Variants in SDK1 observed in about 807,000 individuals in gnomAD.
SDK1 encodes the protein sidekick cell adhesion molecule 1.
A neutral mutation model predicts 245.5 loss-of-function variants in SDK1; 157 were observed. The observed-to-expected ratio is 0.64, with a 90% CI of 0.56 to 0.73. The LOEUF (loss-of-function observed/expected upper bound fraction) is 0.73. Ranked by LOEUF, SDK1 falls within the 30% of genes least tolerant of loss-of-function variation. The pLI, the probability that SDK1 is intolerant of heterozygous loss-of-function variation, is 0.00. For synonymous variants in SDK1, 1,647 were observed against 1,278.5 expected (o/e 1.29, Z -6.15); for missense variants, 3,583 against 3,002.3 (o/e 1.19, Z -4.52).
chr7:3,952,256 G>C (rs930730963), intron 7 of SDK1: 1 of 325,934 alleles, frequency 3.1e-6, no homozygotes, highest in African/African-American at 2.3e-5. Flanking sequence ...ACTCTTATTT[G>C]GCTATCGTGA....
chr7:3,916,111 C>T (rs575547334), intron 5 of SDK1, among the ~76,000 whole-genome samples: 1 of 151,954 alleles, frequency 6.6e-6, no homozygotes, highest in Non-Finnish European at 1.5e-5. Context: ...TTTGGAACTT[C>T]AGTATTTAGA....
intron 1 of SDK1, among the ~76,000 whole-genome samples, chr7:3,526,895 T>C (rs943304014): frequency 4.6e-5 from 7 of 152,204 alleles, no homozygotes; most frequent in African/African-American, 1.7e-4. Flanking sequence ...TTTGGGCAGC[T>C]GAGAAAGGCT....
At chr7:4,142,754 T>A (rs980859455) in intron 28 of SDK1, among the ~76,000 whole-genome samples, 1 of 152,242 alleles carries the variant, frequency 6.6e-6, no homozygotes, top group African/African-American at 2.4e-5. Flanking sequence ...TGAGCCACTG[T>A]GCCTGGCTGC....
At chr7:4,075,286 C>T (rs1780591272) in intron 20 of SDK1, among the ~76,000 whole-genome samples, 1 of 152,196 alleles carries the variant, frequency 6.6e-6, no homozygotes, top group Non-Finnish European at 1.5e-5. Flanking sequence ...AGCTGCCAGG[C>T]TGTACGGGGC....
intron 1 of SDK1, among the ~76,000 whole-genome samples, chr7:3,419,675 C>G (rs988666093): frequency 2.0e-5 from 3 of 152,164 alleles, no homozygotes; most frequent in Non-Finnish European, 2.9e-5. Flanking sequence ...GTTTCTAGTT[C>G]TGACAACTGA....
chr7:4,089,102 TCTCAGGCGGAGGTGAGACCCTCC>T lies in SDK1; in HGVS notation c.3324+9542_3324+9564del, dbSNP rs1449781088. Among the ~76,000 whole-genome samples, 187 of 135,586 alleles carry T rather than the reference TCTCAGGCGGAGGTGAGACCCTCC, an allele frequency of 1.4e-3. 2 individuals are homozygous for T. Among genetic ancestry groups the T allele is most frequent in the Admixed American group, 1.5e-3 (21 of 14,252 alleles). 88.9% of individuals were successfully genotyped at this position (135,586 alleles called of 152,430 possible). Reference sequence around the variant, plus strand: ...TCCCTCAGGCGGAGGTAAGACCCTCTCTCAGGCGGAGGTGAGACCCTCCCTCAGGCGGAGGTGAGACCCTCCTT... The same window carrying T: ...TCCCTCAGGCGGAGGTAAGACCCTCTCTCAGGCGGAGGTGAGACCCTCCTT... On this transcript the variant is annotated intron_variant, in intron 22 of 44. Transcript: ENST00000404826.
chr7:4,099,884 G>A (rs943448401), intron 22 of SDK1, among the ~76,000 whole-genome samples: 6 of 151,618 alleles, frequency 4.0e-5, no homozygotes, highest in South Asian at 2.1e-4. Flanking sequence ...CACCGAGCTC[G>A]CTGGCATGTG....
In SDK1 at chr7:3,961,990, AACAC is replaced by A. The variant is rs139449814; in HGVS notation, c.1235-659_1235-656del. ...ATAAACACATGCACATATATGCACAAACACACACACATACACACATGTAAACACG... is the reference window on the plus strand; with the variant it reads ...ATAAACACATGCACATATATGCACAAACACACATACACACATGTAAACACG... On this transcript the variant is annotated intron_variant, in intron 8 of 44. Transcript: ENST00000404826. 1.8e-3 allele frequency among the ~76,000 whole-genome samples: 273 copies of A among 151,892 alleles called. 2 individuals carry two copies. The highest frequency in any genetic ancestry group is 6.8e-3 in the Middle Eastern group (2 of 294).
At chr7:3,595,386 G>C (rs1443575239) in intron 1 of SDK1, among the ~76,000 whole-genome samples, 2 of 151,830 alleles carry the variant, frequency 1.3e-5, no homozygotes, top group African/African-American at 4.8e-5. Flanking sequence ...CTACTGCATG[G>C]ATTATCTTTG....
At chr7:3,831,723 C>T (rs1779916561) in intron 5 of SDK1, among the ~76,000 whole-genome samples, 1 of 151,900 alleles carries the variant, frequency 6.6e-6, no homozygotes, top group African/African-American at 2.4e-5. Context: ...TGGATGTCTG[C>T]TGTATGCCCT....
chr7:3,475,850 G>C (rs1781333868), intron 1 of SDK1, among the ~76,000 whole-genome samples: 1 of 152,166 alleles, frequency 6.6e-6, no homozygotes, highest in Admixed American at 6.5e-5. Context: ...GCTCTCTGTG[G>C]CATCATGTGG....
At chr7:3,435,320 C>CTTTT (rs1438818051) in intron 1 of SDK1, among the ~76,000 whole-genome samples, 1 of 100,164 alleles carries the variant, frequency 1.0e-5, no homozygotes, top group African/African-American at 5.0e-5. Context: ...AAGGGGACTG[C>CTTTT]CTTTTTTTTT....
At chr7:3,526,475 T>C (rs1171090277) in intron 1 of SDK1, among the ~76,000 whole-genome samples, 2 of 152,250 alleles carry the variant, frequency 1.3e-5, no homozygotes, top group Non-Finnish European at 2.9e-5. Flanking sequence ...CTATAACATA[T>C]AGTTTCCATG....
intron 1 of SDK1, chr7:3,338,017 A>C (rs1390589582): frequency 6.3e-6 from 1 of 157,732 alleles, no homozygotes; most frequent in African/African-American, 2.4e-5. Context: ...GCAAAATTTT[A>C]ATGTAATATG....
intron 1 of SDK1, among the ~76,000 whole-genome samples, chr7:3,580,131 A>T (rs2705612): frequency 6.6e-6 from 1 of 152,126 alleles, no homozygotes; most frequent in Non-Finnish European, 1.5e-5. Flanking sequence ...CACTGTTCAA[A>T]GAAATCAGAG....
At chr7:4,244,329 A>G (rs1328557924) in intron 43 of SDK1, among the ~76,000 whole-genome samples, 5 of 152,182 alleles carry the variant, frequency 3.3e-5, no homozygotes, top group Admixed American at 6.5e-5. Context: ...GGTCCTGGAC[A>G]TGGTCCCTTT....
intron 1 of SDK1, among the ~76,000 whole-genome samples, chr7:3,493,522 C>T (rs1161086442): frequency 2.6e-5 from 4 of 152,104 alleles, no homozygotes; most frequent in African/African-American, 9.7e-5. Context: ...CATATATTTA[C>T]TAGGAAGTGC....
At chr7:3,782,358 C>G (rs553925760) in intron 4 of SDK1, among the ~76,000 whole-genome samples, 1 of 152,170 alleles carries the variant, frequency 6.6e-6, no homozygotes, top group Non-Finnish European at 1.5e-5. Context: ...GGATCTGTCC[C>G]CATGACCCAC....
intron 2 of SDK1, among the ~76,000 whole-genome samples, chr7:3,620,848 A>T (rs907989624): frequency 1.3e-5 from 2 of 152,058 alleles, no homozygotes; most frequent in African/African-American, 4.8e-5. Context: ...CACACTTTAG[A>T]CAAGTGAGTG....
Sources: gnomAD v4.1 joint callset for allele counts (sites outside exome capture counted in the v4.1 genomes callset) on GRCh38, gnomAD v4.1.1 for gene constraint, MANE v1.5 for transcripts, NCBI Gene and HGNC (gene_info 2026-07-23, HGNC 2026-07-21) for gene names.